Variants in ITGB3BP observed in about 807,000 individuals in gnomAD.
The protein encoded by ITGB3BP is centromere protein R.
In ITGB3BP, 27 loss-of-function variants were observed where a neutral mutation model predicts 29.1. The observed-to-expected ratio is 0.93, with a 90% CI of 0.68 to 1.28. The LOEUF (loss-of-function observed/expected upper bound fraction) is 1.28. ITGB3BP is among the 50% of genes most tolerant of loss of function. The probability of loss-of-function intolerance (pLI) is 0.00; values close to 1 mark genes in which losing one functional copy is unlikely to be tolerated. For synonymous variants in ITGB3BP, 61 were observed against 61.4 expected (o/e 0.99, Z 0.03); for missense variants, 192 against 200.2 (o/e 0.96, Z 0.25).
chr1:63,496,626 T>C (rs1274598170), intron 2 of ITGB3BP, among the ~76,000 whole-genome samples: 10 of 152,198 alleles, frequency 6.6e-5, no homozygotes, highest in Non-Finnish European at 1.2e-4. Flanking sequence ...GGAATACTTT[T>C]TGTTGTTGTT....
intron 1 of ITGB3BP, among the ~76,000 whole-genome samples, chr1:63,513,887 T>G (rs1646254650): frequency 1.3e-5 from 2 of 152,190 alleles, no homozygotes; most frequent in African/African-American, 4.8e-5. Flanking sequence ...TGCCTAATAT[T>G]TTTAATGTAA....
At chr1:63,510,599 T>C (rs1045613119) in intron 1 of ITGB3BP, among the ~76,000 whole-genome samples, 1 of 152,136 alleles carries the variant, frequency 6.6e-6, no homozygotes, top group Non-Finnish European at 1.5e-5. Context: ...CTTAAAAGAA[T>C]CCTTAAAAGA....
chr1:63,514,124 A>G (rs989621333), intron 1 of ITGB3BP, among the ~76,000 whole-genome samples: 1 of 152,220 alleles, frequency 6.6e-6, no homozygotes, highest in African/African-American at 2.4e-5. Flanking sequence ...TTTCATATAA[A>G]TAGAACTATA....
chr1:63,525,511 G>A, upstream of ITGB3BP: 23 of 1,292,036 alleles, frequency 1.8e-5, no homozygotes, highest in Non-Finnish European at 2.4e-5. Context: ...GAAAGACATG[G>A]TGACATTTGT....
At chr1:63,509,646 G>T (rs1008439733) in intron 1 of ITGB3BP, among the ~76,000 whole-genome samples, 9 of 152,064 alleles carry the variant, frequency 5.9e-5, no homozygotes, top group African/African-American at 1.7e-4. Flanking sequence ...CTATCTAAAA[G>T]ATTATTTTGC....
intron 4 of ITGB3BP, among the ~76,000 whole-genome samples, chr1:63,476,057 T>A (rs1285553026): frequency 6.6e-6 from 1 of 150,704 alleles, no homozygotes; most frequent in Admixed American, 6.6e-5. Flanking sequence ...ATGGTCTCAC[T>A]GTGTTACCTA....
At chr1:63,500,014 A>G (rs975712532) in intron 2 of ITGB3BP, among the ~76,000 whole-genome samples, 1 of 152,196 alleles carries the variant, frequency 6.6e-6, no homozygotes, top group Non-Finnish European at 1.5e-5. Context: ...AAAGAAATAA[A>G]AGGCGTAGAT....
At chr1:63,495,042 A>T (rs1370772537) in intron 2 of ITGB3BP, among the ~76,000 whole-genome samples, 4 of 152,176 alleles carry the variant, frequency 2.6e-5, no homozygotes. Context: ...GCTAGCCTCA[A>T]GCAATTCTCC....
chr1:63,496,953 T>C (rs745686808), intron 2 of ITGB3BP, among the ~76,000 whole-genome samples: 4 of 152,210 alleles, frequency 2.6e-5, no homozygotes, highest in African/African-American at 4.8e-5. Context: ...AAGTCTCTAA[T>C]CCTAGAGTAC....
intron 7 of ITGB3BP, among the ~76,000 whole-genome samples, chr1:63,452,699 T>C (rs1421442096): frequency 6.6e-6 from 1 of 151,828 alleles, no homozygotes; most frequent in African/African-American, 2.4e-5. Flanking sequence ...GTTCTTAAAT[T>C]CTTGGCATCA....
Position 63,454,526 on chromosome 1 carries a change from TGA to T in ITGB3BP, c.334-55_334-54del. On this transcript the variant is annotated intron_variant, in intron 5 of 8. Transcript: ENST00000271002. This position sits in a 1 kb window ranked among gnomAD's most constrained non-coding sequence, Gnocchi z 4.1. The stretch of plus-strand genomic sequence containing the variant: ...AAGTTCTCTACACACATGAGATTAC[TGA>T]CATGTCTAGTGAAAATACAGTATAT... 2.4e-6 allele frequency: 2 copies of T among 818,448 alleles called. No individual in the cohort carries two copies. The highest frequency in any genetic ancestry group is 4.0e-6 in the Non-Finnish European group (2 of 501,512). The allele number at this position is 818,448 out of a possible 1,614,324, so 50.7% of individuals were successfully genotyped here.
chr1:63,466,952 C>G (rs541140795), intron 4 of ITGB3BP, among the ~76,000 whole-genome samples: 210 of 152,252 alleles, frequency 1.4e-3, no homozygotes, highest in African/African-American at 5.0e-3. Flanking sequence ...GCTCTTTCGG[C>G]CTGCAGATGT....
At chr1:63,447,604 C>T (rs1465346888) in intron 7 of ITGB3BP, 1 of 498,954 alleles carries the variant, frequency 2.0e-6, no homozygotes, top group Non-Finnish European at 4.0e-6. Context: ...GTTGTGACAT[C>T]TGAGGCTGAC....
intron 4 of ITGB3BP, among the ~76,000 whole-genome samples, chr1:63,476,594 A>G (rs964049823): frequency 2.0e-5 from 3 of 152,220 alleles, no homozygotes; most frequent in African/African-American, 7.2e-5. Flanking sequence ...TATTGTTTTA[A>G]AAGTCTAAGC....
At chr1:63,504,138 C>T (rs1474271985) in intron 2 of ITGB3BP, among the ~76,000 whole-genome samples, 5 of 151,498 alleles carry the variant, frequency 3.3e-5, no homozygotes, top group African/African-American at 1.2e-4. Flanking sequence ...ATTCTTCCTA[C>T]CCATGAGCAT....
chr1:63,487,645 T>C (rs1257850828), intron 3 of ITGB3BP, among the ~76,000 whole-genome samples: 1 of 152,122 alleles, frequency 6.6e-6, no homozygotes, highest in Non-Finnish European at 1.5e-5. Flanking sequence ...ATTGTAAGTA[T>C]TTGTTTATCT....
At chr1:63,465,534 A>G (rs1453836685) in intron 4 of ITGB3BP, among the ~76,000 whole-genome samples, 4 of 151,770 alleles carry the variant, frequency 2.6e-5, no homozygotes, top group Non-Finnish European at 1.5e-5. Context: ...TGGGACTACA[A>G]GCATGTACCA....
intron 8 of ITGB3BP, chr1:63,446,592 G>A (rs938501664): frequency 2.1e-5 from 11 of 527,760 alleles, no homozygotes; most frequent in Non-Finnish European, 3.8e-5. Context: ...CAGCTCAACA[G>A]TTCTTTCCAA....
At chr1:63,453,216 T>C (rs1003038862) in intron 7 of ITGB3BP, among the ~76,000 whole-genome samples, 33 of 152,208 alleles carry the variant, frequency 2.2e-4, no homozygotes, top group African/African-American at 8.0e-4. Context: ...TTTGTAATTA[T>C]AGTTACTCAA....
Sources: gnomAD v4.1 joint callset for allele counts (sites outside exome capture counted in the v4.1 genomes callset) on GRCh38, gnomAD v4.1.1 for gene constraint, Gnocchi (gnomAD v3.1) non-coding constraint, MANE v1.5 for transcripts, NCBI Gene and HGNC (gene_info 2026-07-23, HGNC 2026-07-21) for gene names.